NFIB: variants seen among roughly 807,000 people sequenced by gnomAD.
NFIB encodes the protein nuclear factor 1 B-type.
A neutral mutation model predicts 61.5 loss-of-function variants in NFIB; 11 were observed. The ratio of observed to expected loss-of-function variants is 0.18; its 90% CI spans 0.11 to 0.30. NFIB has a LOEUF of 0.30. Ranked by LOEUF, NFIB falls within the 10% of genes least tolerant of loss-of-function variation. The pLI is 1.00. For missense variants in NFIB, 471 were observed against 608.9 expected (o/e 0.77, Z 2.38); for synonymous variants, 260 against 216.5 (o/e 1.20, Z -1.76).
At chr9:14,304,692 G>C (rs2059927881) in intron 2 of NFIB, among the ~76,000 whole-genome samples, 1 of 152,082 alleles carries the variant, frequency 6.6e-6, no homozygotes, top group Non-Finnish European at 1.5e-5. Context: ...TTCTTTTCCT[G>C]ATTTATAAAA....
the NFIB span, among the ~76,000 whole-genome samples, chr9:14,410,165 C>T: frequency 6.6e-6 from 1 of 150,884 alleles, no homozygotes; most frequent in Non-Finnish European, 1.5e-5. Flanking sequence ...TCCTACCCTT[C>T]TCTGAGTTTC....
intron 2 of NFIB, among the ~76,000 whole-genome samples, chr9:14,289,120 A>G (rs1455985638): frequency 3.5e-4 from 47 of 134,342 alleles, no homozygotes; most frequent in African/African-American, 1.4e-3. Context: ...GTGTGTGTAT[A>G]TGTATATATA....
At chr9:14,204,672 T>A in intron 2 of NFIB, 1 of 639,000 alleles carries the variant, frequency 1.6e-6, no homozygotes, top group South Asian at 1.8e-5. Flanking sequence ...GTTAACACCA[T>A]CACCACCTTG....
chr9:14,355,994 A>G (rs1321442181), intron 1 of NFIB, among the ~76,000 whole-genome samples: 1 of 151,820 alleles, frequency 6.6e-6, no homozygotes, highest in Non-Finnish European at 1.5e-5. Flanking sequence ...AAAAAGGCCA[A>G]TTTGCAATTC....
chr9:14,402,041 T>A (rs2061747678), upstream of NFIB, among the ~76,000 whole-genome samples: 1 of 152,182 alleles, frequency 6.6e-6, no homozygotes, highest in African/African-American at 2.4e-5. Context: ...AAATTCTTTT[T>A]ACAAGGCATA....
At chr9:14,227,619 T>A (rs930077283) in intron 2 of NFIB, among the ~76,000 whole-genome samples, 34 of 152,112 alleles carry the variant, frequency 2.2e-4, no homozygotes, top group African/African-American at 7.0e-4. Flanking sequence ...TTAAAAAAAA[T>A]TTATTTTCTC....
chr9:14,111,131 T>G (rs1265998698), intron 10 of NFIB, among the ~76,000 whole-genome samples: 1 of 152,288 alleles, frequency 6.6e-6, no homozygotes, highest in African/African-American at 2.4e-5. Context: ...AAATAGTTTA[T>G]AGTTCTAGAA....
intron 2 of NFIB, among the ~76,000 whole-genome samples, chr9:14,192,265 C>G (rs1309110437): frequency 6.6e-6 from 1 of 152,246 alleles, no homozygotes; most frequent in Middle Eastern, 3.4e-3. Flanking sequence ...AAGGCCATGA[C>G]AGAAATGTAT....
chr9:14,443,457 T>C, the NFIB span, among the ~76,000 whole-genome samples: 1 of 152,200 alleles, frequency 6.6e-6, no homozygotes, highest in Admixed American at 6.5e-5. Context: ...CCTGCCCTTC[T>C]TCTTCCACAT....
At chr9:14,148,065 CCCA>C (rs1554648633) in intron 5 of NFIB, among the ~76,000 whole-genome samples, 1 of 151,992 alleles carries the variant, frequency 6.6e-6, no homozygotes, top group Non-Finnish European at 1.5e-5. Context: ...TTCATATGCC[CCCA>C]CCAATAAAGC....
chr9:14,366,142 A>ACT (rs1376078602), intron 1 of NFIB, among the ~76,000 whole-genome samples: 1 of 152,142 alleles, frequency 6.6e-6, no homozygotes, highest in African/African-American at 2.4e-5. Context: ...TTTTGGCAAC[A>ACT]CTCTGTCCTC....
At chr9:14,502,513 A>G in the NFIB span, among the ~76,000 whole-genome samples, 1 of 152,170 alleles carries the variant, frequency 6.6e-6, no homozygotes, top group Non-Finnish European at 1.5e-5. Flanking sequence ...CTCAAACATC[A>G]CTGGATTCCA....
intron 2 of NFIB, among the ~76,000 whole-genome samples, chr9:14,256,541 G>C (rs1284037237): frequency 6.6e-6 from 1 of 152,110 alleles, no homozygotes; most frequent in African/African-American, 2.4e-5. Flanking sequence ...AAAAGGAAGA[G>C]GAGTGAAATA....
At chr9:14,216,901 C>T (rs887947894) in intron 2 of NFIB, among the ~76,000 whole-genome samples, 3 of 152,198 alleles carry the variant, frequency 2.0e-5, no homozygotes, top group African/African-American at 7.2e-5. Flanking sequence ...ATGTTTAGCA[C>T]ATGGTGCTTT....
In NFIB at chr9:14,147,636, C is replaced by CTTTT. The variant is rs34256054; in HGVS notation, c.807-833_807-830dup. Among the ~76,000 whole-genome samples, 83 of 108,628 alleles carry CTTTT rather than the reference C, an allele frequency of 7.6e-4. 1 individual carries two copies. The highest frequency in any genetic ancestry group is 1.5e-3 in the African/African-American group (40 of 26,652). 71.3% of individuals were successfully genotyped at this position (108,628 alleles called of 152,430 possible). On this transcript the variant is annotated intron_variant, in intron 5 of 10. Transcript: ENST00000380953. ...CCAAATTCAAACTTTTAAAATGATA[C>CTTTT]TTTTTTTTTTTTTTTTTTTTTGAGA...
At chr9:14,166,054 ATTG>A (rs1216219465) in intron 3 of NFIB, among the ~76,000 whole-genome samples, 3 of 152,212 alleles carry the variant, frequency 2.0e-5, no homozygotes, top group African/African-American at 2.4e-5. Flanking sequence ...TTGGACCCAG[ATTG>A]TTAACCACAT....
chr9:14,130,240 C>T (rs4740559), intron 6 of NFIB, among the ~76,000 whole-genome samples: 26,591 of 152,082 alleles, frequency 0.17, 2,588 homozygotes, highest in South Asian at 0.35. Context: ...CACAGTATCA[C>T]ATTTTTAAAT....
intron 2 of NFIB, 23 bp from the exon 3 acceptor site, chr9:14,179,803 GTT>G (rs2046561926): frequency 6.2e-7 from 1 of 1,610,002 alleles, no homozygotes; most frequent in African/African-American, 1.3e-5. Context: ...CACAGAAAAT[GTT>G]TTCTTTTTAA....
intron 2 of NFIB, among the ~76,000 whole-genome samples, chr9:14,279,932 C>T (rs182019732): frequency 1.3e-4 from 20 of 152,288 alleles, no homozygotes; most frequent in African/African-American, 4.8e-4. Flanking sequence ...GATTAAAGCA[C>T]CAAAACACAA....
Sources: gnomAD v4.1 joint callset for allele counts (sites outside exome capture counted in the v4.1 genomes callset) on GRCh38, gnomAD v4.1.1 for gene constraint, MANE v1.5 for transcripts, NCBI Gene and HGNC (gene_info 2026-07-23, HGNC 2026-07-21) for gene names.